MAGI2: variants seen among roughly 807,000 people sequenced by gnomAD.
The protein encoded by MAGI2 is membrane-associated guanylate kinase, WW and PDZ domain-containing protein 2.
In MAGI2, 35 loss-of-function variants were observed where a neutral mutation model predicts 133.3. The observed-to-expected ratio is 0.26, with a 90% confidence interval of 0.20 to 0.35. MAGI2 has a LOEUF of 0.35. Among genes scored for constraint, MAGI2 ranks in the 10% least tolerant of loss-of-function variants. MAGI2 has a pLI of 1.00. For missense variants in MAGI2, 1,636 were observed against 1,863.4 expected (o/e 0.88, Z 2.25); for synonymous variants, 729 against 710.6 (o/e 1.03, Z -0.41).
intron 2 of MAGI2, among the ~76,000 whole-genome samples, chr7:78,702,650 C>T (rs995941851): frequency 3.3e-5 from 5 of 151,926 alleles, no homozygotes; most frequent in Non-Finnish European, 7.4e-5. Context: ...CCATTTCTTT[C>T]TTCTTTCCAG....
At chr7:78,937,429 T>G (rs1221925820) in intron 2 of MAGI2, among the ~76,000 whole-genome samples, 2 of 152,138 alleles carry the variant, frequency 1.3e-5, no homozygotes, top group Non-Finnish European at 2.9e-5. Context: ...GAGTAATAGT[T>G]GCAGACAAAA....
intron 1 of MAGI2, among the ~76,000 whole-genome samples, chr7:79,191,237 T>A (rs1827626694): frequency 6.6e-6 from 1 of 151,568 alleles, no homozygotes; most frequent in African/African-American, 2.4e-5. Flanking sequence ...TTGATTTAGG[T>A]TGTGTTAAAT....
intron 2 of MAGI2, among the ~76,000 whole-genome samples, chr7:78,761,830 C>T (rs1278342586): frequency 6.6e-6 from 1 of 151,936 alleles, no homozygotes. Flanking sequence ...AATGCTGATG[C>T]TGGTCTATAG....
chr7:79,191,310 T>G (rs1224272246), intron 1 of MAGI2, among the ~76,000 whole-genome samples: 2 of 151,330 alleles, frequency 1.3e-5, no homozygotes, highest in Admixed American at 1.3e-4. Context: ...CACATAGAGA[T>G]TATGTCTCTC....
At chr7:78,543,347 A>T (rs1447822925) in intron 3 of MAGI2, among the ~76,000 whole-genome samples, 1 of 152,244 alleles carries the variant, frequency 6.6e-6, no homozygotes, top group Non-Finnish European at 1.5e-5. Flanking sequence ...TCTATCTAAT[A>T]ACACAACCCT....
chr7:78,322,617 G>C (rs1039623125), intron 9 of MAGI2, among the ~76,000 whole-genome samples: 22 of 152,216 alleles, frequency 1.4e-4, no homozygotes, highest in African/African-American at 5.1e-4. Flanking sequence ...TTGGTAGATG[G>C]GGGGATAGGG....
At chr7:79,337,475 A>C (rs1840517328) in intron 1 of MAGI2, among the ~76,000 whole-genome samples, 1 of 152,180 alleles carries the variant, frequency 6.6e-6, no homozygotes, top group Non-Finnish European at 1.5e-5. Context: ...TGCAAAGAGA[A>C]AGATCTACAG....
intron 21 of MAGI2, among the ~76,000 whole-genome samples, chr7:78,020,425 G>A (rs1002097650): frequency 2.6e-4 from 39 of 152,264 alleles, no homozygotes; most frequent in African/African-American, 8.9e-4. Context: ...TCAGCAGCAC[G>A]GGGCCCAGGA....
intron 1 of MAGI2, among the ~76,000 whole-genome samples, chr7:79,136,684 A>G (rs1049898380): frequency 6.6e-6 from 1 of 152,212 alleles, no homozygotes; most frequent in South Asian, 2.1e-4. Context: ...TGAGTGAACA[A>G]TTCTAAGTGC....
At chr7:78,868,772 G>A in intron 2 of MAGI2, among the ~76,000 whole-genome samples, 1 of 136,880 alleles carries the variant, frequency 7.3e-6, no homozygotes, top group East Asian at 2.3e-4. Flanking sequence ...CTTTTTTTTT[G>A]AGACAGAGTC....
chr7:78,124,903 C>T (rs541384622), intron 20 of MAGI2, among the ~76,000 whole-genome samples: 68 of 150,422 alleles, frequency 4.5e-4, no homozygotes, highest in Non-Finnish European at 7.4e-5. Flanking sequence ...CACTCTGTTG[C>T]CCAGGCTGGA....
intron 2 of MAGI2, among the ~76,000 whole-genome samples, chr7:78,869,193 TGTTTA>T (rs1280580751): frequency 1.4e-4 from 21 of 152,360 alleles, no homozygotes; most frequent in Non-Finnish European, 2.5e-4. Flanking sequence ...GTGGGTTGTC[TGTTTA>T]TTTTGCTGTG....
At chr7:78,438,307 T>C (rs1167798899) in intron 6 of MAGI2, among the ~76,000 whole-genome samples, 1 of 152,012 alleles carries the variant, frequency 6.6e-6, no homozygotes, top group Non-Finnish European at 1.5e-5. Context: ...TTAGGTTCCT[T>C]GAGATATGAA....
chr7:78,749,849 A>C (rs2151275130), intron 2 of MAGI2, among the ~76,000 whole-genome samples: 1 of 152,296 alleles, frequency 6.6e-6, no homozygotes, highest in Non-Finnish European at 1.5e-5. Flanking sequence ...TGATTTATAT[A>C]AACAATTTTT....
intron 2 of MAGI2, among the ~76,000 whole-genome samples, chr7:78,716,292 T>C (rs1274366783): frequency 6.6e-6 from 1 of 152,230 alleles, no homozygotes; most frequent in Non-Finnish European, 1.5e-5. Flanking sequence ...TGGCTTACTA[T>C]TATAGTGTAT....
chr7:78,165,705 T>A (rs1825556541), intron 15 of MAGI2, among the ~76,000 whole-genome samples: 1 of 152,156 alleles, frequency 6.6e-6, no homozygotes, highest in Admixed American at 6.5e-5. Context: ...CATCCACTCC[T>A]AAGCCAGGCT....
intron 3 of MAGI2, among the ~76,000 whole-genome samples, chr7:78,601,764 T>C (rs957928503): frequency 2.0e-5 from 3 of 152,190 alleles, no homozygotes; most frequent in Non-Finnish European, 2.9e-5. Context: ...TTATGAGACA[T>C]AGTAACAGAT....
intron 6 of MAGI2, among the ~76,000 whole-genome samples, chr7:78,377,773 T>G (rs1794583021): frequency 6.6e-6 from 1 of 151,528 alleles, no homozygotes; most frequent in African/African-American, 2.4e-5. Flanking sequence ...GTCCTTTACT[T>G]TTGCTTACAT....
intron 20 of MAGI2, among the ~76,000 whole-genome samples, chr7:78,116,486 G>T (rs993677477): frequency 1.3e-5 from 2 of 152,004 alleles, no homozygotes; most frequent in African/African-American, 2.4e-5. Context: ...AAGAATAAAA[G>T]AAAATTGAAC....
Sources: allele counts gnomAD v4.1 joint callset (sites outside exome capture counted in the v4.1 genomes callset), GRCh38; gene constraint gnomAD v4.1.1; transcripts MANE v1.5; gene names NCBI Gene and HGNC (gene_info 2026-07-23, HGNC 2026-07-21).